Variants in LUZP2 observed in about 807,000 individuals in gnomAD.
LUZP2 encodes leucine zipper protein 2.
LUZP2 carries 52 observed loss-of-function variants against 51.6 expected under a neutral mutation model. That is an observed-to-expected ratio of 1.01 (90% CI 0.81 to 1.27). LUZP2 has a LOEUF of 1.27. LUZP2 is among the 50% of genes most tolerant of loss of function. The probability of loss-of-function intolerance (pLI) is 0.00; values close to 1 mark genes in which losing one functional copy is unlikely to be tolerated. For missense variants in LUZP2, 436 were observed against 395.4 expected (o/e 1.10, Z -0.87); for synonymous variants, 154 against 137.3 (o/e 1.12, Z -0.85).
At chr11:25,071,710 C>A (rs1312121083) in intron 10 of LUZP2, among the ~76,000 whole-genome samples, 1 of 146,854 alleles carries the variant, frequency 6.8e-6, no homozygotes, top group Admixed American at 6.8e-5. Flanking sequence ...AGGAGATATA[C>A]CTAATGTAAA....
At chr11:24,916,898 G>A (rs888489766) in intron 7 of LUZP2, among the ~76,000 whole-genome samples, 1 of 152,152 alleles carries the variant, frequency 6.6e-6, no homozygotes, top group African/African-American at 2.4e-5. Context: ...AGATCCCTGA[G>A]GAATGGCCAC....
chr11:24,814,697 A>T (rs1850120277), intron 5 of LUZP2, among the ~76,000 whole-genome samples: 1 of 152,176 alleles, frequency 6.6e-6, no homozygotes, highest in South Asian at 2.1e-4. Context: ...CAGTGTTATT[A>T]AACAATCAGT....
intron 5 of LUZP2, among the ~76,000 whole-genome samples, chr11:24,870,939 C>T (rs1013422364): frequency 1.3e-5 from 2 of 151,818 alleles, no homozygotes; most frequent in African/African-American, 4.8e-5. Context: ...TTCAGTTAAC[C>T]ATTTTTTTGG....
chr11:24,548,383 G>A (rs1020506630), intron 1 of LUZP2, among the ~76,000 whole-genome samples: 8 of 152,080 alleles, frequency 5.3e-5, no homozygotes, highest in African/African-American at 1.9e-4. Context: ...AACAAAAAAT[G>A]AGATCGTGAC....
intron 9 of LUZP2, among the ~76,000 whole-genome samples, chr11:25,033,836 G>T (rs1226526172): frequency 6.6e-6 from 1 of 151,964 alleles, no homozygotes; most frequent in African/African-American, 2.4e-5. Context: ...TGAAAAACAG[G>T]CACCTGGGTC....
chr11:24,783,307 T>A (rs1443370744), intron 5 of LUZP2, among the ~76,000 whole-genome samples: 1 of 151,846 alleles, frequency 6.6e-6, no homozygotes, highest in Non-Finnish European at 1.5e-5. Context: ...GCTGACAGAG[T>A]GGAAAACTGC....
At chr11:25,000,853 G>A (rs947545050) in intron 9 of LUZP2, among the ~76,000 whole-genome samples, 6 of 152,146 alleles carry the variant, frequency 3.9e-5, no homozygotes, top group Admixed American at 2.6e-4. Flanking sequence ...ATTTGGGATT[G>A]TAGTTACTAT....
At chr11:24,509,429 G>GAT (rs1194087150) in intron 1 of LUZP2, among the ~76,000 whole-genome samples, 1 of 149,416 alleles carries the variant, frequency 6.7e-6, no homozygotes, top group South Asian at 2.1e-4. Flanking sequence ...TGTACTAGAT[G>GAT]ATATATATAG....
intron 5 of LUZP2, among the ~76,000 whole-genome samples, chr11:24,792,460 A>C (rs1849434813): frequency 6.6e-6 from 1 of 152,016 alleles, no homozygotes; most frequent in African/African-American, 2.4e-5. Flanking sequence ...TATGTGATAT[A>C]ATGAAACTGT....
At chr11:24,940,418 T>C (rs1170720330) in intron 7 of LUZP2, among the ~76,000 whole-genome samples, 2 of 152,130 alleles carry the variant, frequency 1.3e-5, no homozygotes, top group Non-Finnish European at 2.9e-5. Context: ...CCTCAACCCA[T>C]ATAAAAGGCA....
chr11:24,596,224 C>A (rs983496726), intron 1 of LUZP2, among the ~76,000 whole-genome samples: 3 of 152,184 alleles, frequency 2.0e-5, no homozygotes, highest in African/African-American at 7.2e-5. Context: ...TTGCACTTTA[C>A]TTTTCCTCTC....
intron 1 of LUZP2, among the ~76,000 whole-genome samples, chr11:24,715,174 CAT>C (rs1003952624): frequency 1.6e-4 from 24 of 150,594 alleles, no homozygotes; most frequent in African/African-American, 9.8e-5. Context: ...GAAAAAAAGA[CAT>C]ATGCATAAAT....
chr11:25,028,226 C>A lies in LUZP2; in HGVS notation c.766-21812C>A, dbSNP rs555398745. On this transcript the variant is annotated intron_variant, in intron 9 of 11. Transcript: ENST00000336930. ...TGTTAATAAACATTCCAGTTATAGTCTTTCATTTATTTTTAAATGTGCAAT... is the reference window on the plus strand; with the variant it reads ...TGTTAATAAACATTCCAGTTATAGTATTTCATTTATTTTTAAATGTGCAAT... Among the ~76,000 whole-genome samples, 4 of 152,248 alleles carry A rather than the reference C, an allele frequency of 2.6e-5. No individual in the cohort carries two copies. In the East Asian group the frequency reaches 7.7e-4, roughly 29 times the overall value.
At chr11:24,515,268 A>G (rs951514000) in intron 1 of LUZP2, among the ~76,000 whole-genome samples, 15 of 152,164 alleles carry the variant, frequency 9.9e-5, no homozygotes, top group African/African-American at 1.4e-4. Flanking sequence ...GTATTCTAGG[A>G]ATACTACACA....
chr11:24,652,732 T>C (rs1044284762), intron 1 of LUZP2, among the ~76,000 whole-genome samples: 3 of 152,156 alleles, frequency 2.0e-5, no homozygotes, highest in Non-Finnish European at 2.9e-5. Context: ...ATGTCAACAA[T>C]ACCTTCACAT....
At chr11:24,739,189 G>T (rs530554722) in intron 4 of LUZP2, among the ~76,000 whole-genome samples, 2 of 152,038 alleles carry the variant, frequency 1.3e-5, no homozygotes, top group South Asian at 4.1e-4. Flanking sequence ...AGGCTTTGTT[G>T]TGGTTTCTGA....
At chr11:24,604,625 G>T (rs190585368) in intron 1 of LUZP2, among the ~76,000 whole-genome samples, 20 of 151,868 alleles carry the variant, frequency 1.3e-4, no homozygotes, top group Admixed American at 7.2e-4. Flanking sequence ...TGACTGCCTG[G>T]GTTCCAATTT....
At chr11:25,071,744 A>T (rs1264896898) in intron 10 of LUZP2, among the ~76,000 whole-genome samples, 1 of 151,900 alleles carries the variant, frequency 6.6e-6, no homozygotes, top group Non-Finnish European at 1.5e-5. Flanking sequence ...GGTGCAGCAC[A>T]CCAACATGGC....
chr11:24,896,387 A>G (rs528763631), intron 5 of LUZP2, among the ~76,000 whole-genome samples: 2 of 152,124 alleles, frequency 1.3e-5, no homozygotes, highest in African/African-American at 2.4e-5. Flanking sequence ...TGGAGCAGCC[A>G]GCCGGCCGGC....
Sources: allele counts gnomAD v4.1 joint callset (sites outside exome capture counted in the v4.1 genomes callset), GRCh38; gene constraint gnomAD v4.1.1; transcripts MANE v1.5; gene names NCBI Gene and HGNC (gene_info 2026-07-23, HGNC 2026-07-21).